Variants in POLR1C observed in about 807,000 individuals in gnomAD.
The protein encoded by POLR1C is RNA polymerase I and III subunit C, also known as DNA-directed RNA polymerases I and III subunit RPAC1.
POLR1C carries 42 observed loss-of-function variants against 38.3 expected under a neutral mutation model. The ratio of observed to expected loss-of-function variants is 1.10; its 90% CI spans 0.86 to 1.42. The LOEUF (loss-of-function observed/expected upper bound fraction) is 1.42. POLR1C is among the 40% of genes most tolerant of loss of function. The pLI is 0.00. For synonymous variants in POLR1C, 163 were observed against 163.9 expected (o/e 0.99, Z 0.04); for missense variants, 507 against 450.5 (o/e 1.13, Z -1.14).
In POLR1C at chr6:43,560,910, T is replaced by G. The variant is rs41281824; in HGVS notation, c.*49-490T>G. The G allele has an allele frequency of 1.4e-3, 2,332 of 1,608,280 alleles. 31 individuals carry two copies. The highest frequency in any genetic ancestry group is 0.012 in the South Asian group (1,060 of 90,962). On this transcript the variant is annotated intron_variant, in intron 10 of 10. Coordinates refer to the POLR1C transcript ENST00000607635. ...CTAACTAAACTTTTGAGAAGTTACC[T>G]GTATAAAGTTTACCTGACTTGGATG... is the stretch of plus-strand genomic sequence containing the variant.
At chr6:43,523,850 G>T (rs1303089680), downstream of POLR1C, 1 of 1,613,998 alleles carries the variant, frequency 6.2e-7, no homozygotes, top group Admixed American at 1.7e-5. Flanking sequence ...GCCGAGGAAG[G>T]ATGCCCAAAA....
intron 9 of POLR1C, chr6:43,547,463 A>G (rs1390832282): frequency 1.3e-6 from 1 of 746,120 alleles, no homozygotes; most frequent in Admixed American, 2.0e-5. Context: ...ACTAAAGAAG[A>G]AAAGAAAGGA....
At chr6:43,547,388 C>T in intron 9 of POLR1C, 2 of 629,750 alleles carry the variant, frequency 3.2e-6, no homozygotes, top group South Asian at 3.2e-5. Context: ...ATCCTTAAAG[C>T]CAAAATAATG....
chr6:43,557,867 G>C (rs111766955), intron 10 of POLR1C, among the ~76,000 whole-genome samples: 5 of 151,286 alleles, frequency 3.3e-5, no homozygotes, highest in African/African-American at 1.2e-4. Context: ...AGACTGAGGC[G>C]GGCAGATGAC....
At chr6:43,528,024 A>G in intron 8 of POLR1C, 1 of 910,504 alleles carries the variant, frequency 1.1e-6, no homozygotes, top group East Asian at 2.6e-5. Flanking sequence ...CAAGCCATGT[A>G]TCACCTAGGC....
downstream of POLR1C, chr6:43,521,619 T>A: frequency 2.3e-6 from 1 of 440,168 alleles, no homozygotes; most frequent in Non-Finnish European, 3.8e-6. Flanking sequence ...CCTCCTGGGT[T>A]CAAGCAATTC....
At chr6:43,552,127 A>G (rs1157250812) in intron 10 of POLR1C, among the ~76,000 whole-genome samples, 1 of 151,830 alleles carries the variant, frequency 6.6e-6, no homozygotes, top group African/African-American at 2.4e-5. Context: ...GCACGATCTC[A>G]GCTCACTGCA....
intron 10 of POLR1C, chr6:43,558,984 A>G (rs984859424): frequency 4.4e-5 from 7 of 160,910 alleles, no homozygotes; most frequent in African/African-American, 7.2e-5. Context: ...AAAAGAATTG[A>G]AGACCATGGC....
At chr6:43,556,938 G>A (rs1762121650) in intron 10 of POLR1C, among the ~76,000 whole-genome samples, 1 of 151,898 alleles carries the variant, frequency 6.6e-6, no homozygotes, top group African/African-American at 2.4e-5. Flanking sequence ...GACCAGCCTG[G>A]CCAACATGAT....
chr6:43,529,383 A>AC (rs1793810768), exon 9 of POLR1C: 1 of 349,708 alleles, frequency 2.9e-6, no homozygotes, highest in East Asian at 9.0e-5. Flanking sequence ...TCTACTAAAA[A>AC]AAAAAAAAAA....
chr6:43,556,811 C>A (rs1412475350), intron 10 of POLR1C, among the ~76,000 whole-genome samples: 1 of 151,998 alleles, frequency 6.6e-6, no homozygotes, highest in East Asian at 1.9e-4. Flanking sequence ...TGTGGTATAT[C>A]CATACAATGA....
downstream of POLR1C, among the ~76,000 whole-genome samples, chr6:43,521,865 A>C (rs1249965468): frequency 6.6e-6 from 1 of 152,190 alleles, no homozygotes; most frequent in Non-Finnish European, 1.5e-5. Context: ...TTTAGCATTT[A>C]CCAATTAAGA....
At chr6:43,526,525 G>T in intron 8 of POLR1C, 1 of 727,082 alleles carries the variant, frequency 1.4e-6, no homozygotes, top group Non-Finnish European at 2.4e-6. Context: ...TTGGAGGTGG[G>T]AGTATGATGG....
intron 10 of POLR1C, chr6:43,554,880 A>T (rs1420338397): frequency 6.6e-6 from 1 of 152,028 alleles, no homozygotes; most frequent in East Asian, 1.9e-4. Flanking sequence ...TAAGTCCCTC[A>T]AATGTCAGCC....
chr6:43,525,328 T>C (rs753467726), downstream of POLR1C: 1 of 1,028,734 alleles, frequency 9.7e-7, no homozygotes, highest in Admixed American at 2.5e-5. Flanking sequence ...CCTCTAAAGA[T>C]GGGTTTGTTT....
chr6:43,555,819 T>C (rs1345485322), intron 10 of POLR1C: 4 of 1,613,606 alleles, frequency 2.5e-6, no homozygotes, highest in Admixed American at 1.7e-5. Context: ...TAACATTCAG[T>C]AATGAAAAAA....
At chr6:43,535,469 C>G (rs1473875668) in intron 9 of POLR1C, among the ~76,000 whole-genome samples, 1 of 151,942 alleles carries the variant, frequency 6.6e-6, no homozygotes, top group Non-Finnish European at 1.5e-5. Context: ...GGGTGCCGGG[C>G]ATGGTAGCTA....
intron 9 of POLR1C, among the ~76,000 whole-genome samples, chr6:43,535,808 CAT>C (rs1794279298): frequency 8.3e-6 from 1 of 120,068 alleles, no homozygotes; most frequent in Non-Finnish European, 1.6e-5. Flanking sequence ...AGCGAGACTC[CAT>C]CTCAAAAAAA....
chr6:43,529,446 C>T (rs1325003472), exon 9 of POLR1C: 6 of 317,296 alleles, frequency 1.9e-5, no homozygotes, highest in South Asian at 4.9e-5. Flanking sequence ...CCCAGCTACT[C>T]GAGAAGCTAA....
Sources: gnomAD v4.1 joint callset for allele counts (sites outside exome capture counted in the v4.1 genomes callset) on GRCh38, gnomAD v4.1.1 for gene constraint, MANE v1.5 for transcripts, NCBI Gene and HGNC (gene_info 2026-07-23, HGNC 2026-07-21) for gene names.